TNIK: variants seen among roughly 807,000 people sequenced by gnomAD.
TNIK encodes TRAF2 and NCK interacting kinase, also known as TRAF2 and NCK-interacting protein kinase.
In TNIK, 49 loss-of-function variants were observed where a neutral mutation model predicts 191.3. That is an observed-to-expected ratio of 0.26 (90% CI 0.20 to 0.32). TNIK has a LOEUF of 0.32. Among genes scored for constraint, TNIK ranks in the 10% least tolerant of loss-of-function variants. The pLI is 1.00. For synonymous variants in TNIK, 594 were observed against 600.9 expected, an observed-to-expected ratio of 0.99 and a Z score of 0.17; for missense variants, 1,155 against 1,702.3, an observed-to-expected ratio of 0.68 and a Z score of 5.66.
chr3:171,151,028 CAGGTTTTGTGTTAGGCATTGTGCCA>C (rs1732369685), intron 12 of TNIK, among the ~76,000 whole-genome samples: 1 of 152,172 alleles, frequency 6.6e-6, no homozygotes, highest in South Asian at 2.1e-4. Flanking sequence ...AATACCAATC[CAGGTTTTGTGTTAGGCATTGTGCCA>C]AGTCCTCTGT....
chr3:171,259,741 C>A (rs1049096861), intron 2 of TNIK, among the ~76,000 whole-genome samples: 1 of 152,138 alleles, frequency 6.6e-6, no homozygotes, highest in Non-Finnish European at 1.5e-5. Context: ...GCCAGGCACC[C>A]TTTATAATAT....
intron 2 of TNIK, among the ~76,000 whole-genome samples, chr3:171,231,944 TA>T (rs777113699): frequency 3.3e-5 from 5 of 152,200 alleles, no homozygotes; most frequent in African/African-American, 4.8e-5. Context: ...GCCAAACTTT[TA>T]AAATAATTTT....
chr3:171,143,332 C>T (rs1339665022), intron 12 of TNIK, among the ~76,000 whole-genome samples: 1 of 152,136 alleles, frequency 6.6e-6, no homozygotes, highest in East Asian at 1.9e-4. Context: ...ATAAAAAAAA[C>T]ATATCAATGC....
chr3:171,257,242 T>C (rs754271648), intron 2 of TNIK, among the ~76,000 whole-genome samples: 9 of 152,214 alleles, frequency 5.9e-5, no homozygotes, highest in Non-Finnish European at 1.3e-4. Context: ...GAACTGGGAA[T>C]TCATTTTCCA....
At chr3:171,266,725 C>T (rs1748445624) in intron 2 of TNIK, among the ~76,000 whole-genome samples, 1 of 152,138 alleles carries the variant, frequency 6.6e-6, no homozygotes, top group Admixed American at 6.5e-5. Context: ...TTTGGTAAAA[C>T]AATCTGAAAA....
rs553711373 is a variant in TNIK at position 171,183,444 on chromosome 3, A to G, written c.639+5258T>C. Among the ~76,000 whole-genome samples the G allele has an allele frequency of 9.2e-5, 14 of 152,306 alleles. No individual in the cohort carries two copies. The East Asian group carries it at 2.5e-3, about 27-fold the overall frequency. ...TGGGTAACTTATTTGTGACTAGTTT[A>G]TTCTTTTGAAATGTTCCAGGTGGGA... is the stretch of plus-strand genomic sequence containing the variant. On this transcript the variant is annotated intron_variant, in intron 7 of 32. Coordinates refer to ENST00000436636, the MANE Select transcript of TNIK (RefSeq NM_015028.4).
intron 2 of TNIK, among the ~76,000 whole-genome samples, chr3:171,364,370 A>T (rs1715407438): frequency 6.6e-6 from 1 of 152,170 alleles, no homozygotes; most frequent in Non-Finnish European, 1.5e-5. Flanking sequence ...ATTATAAAAA[A>T]AAAAAAATAG....
At chr3:171,192,085 G>GT (rs1738131827) in intron 5 of TNIK, among the ~76,000 whole-genome samples, 1 of 152,118 alleles carries the variant, frequency 6.6e-6, no homozygotes, top group Non-Finnish European at 1.5e-5. Flanking sequence ...CAGCATGAGA[G>GT]TACAGAGGTC....
chr3:171,167,119 T>G lies in TNIK; in HGVS notation c.925A>C (p.Thr309Pro), dbSNP rs1426298985. The G allele has an allele frequency of 6.2e-7, 1 of 1,612,574 alleles. No homozygotes were observed. Residue 309 changes from threonine (T) to proline (P), a missense_variant, in exon 10 of 33, where the codon ACA (threonine) becomes CCA (proline). Thr to Pro is a conservative substitution (Grantham distance 38). Coordinates refer to ENST00000436636, the MANE Select transcript of TNIK (RefSeq NM_015028.4). Reference sequence around the variant, plus strand: ...CCTTTTTCTCCTCGCTTCTTCTTTGTTCTATCAATATGGTCCTTGAGTTGA... The same window carrying G: ...CCTTTTTCTCCTCGCTTCTTCTTTGGTCTATCAATATGGTCCTTGAGTTGA... ...RIQLKDHIDR[T>P]KKKRGEKDET... is the part of the protein sequence containing the mutation.
At chr3:171,250,553 A>G (rs929388155) in intron 2 of TNIK, among the ~76,000 whole-genome samples, 2 of 152,202 alleles carry the variant, frequency 1.3e-5, no homozygotes, top group African/African-American at 4.8e-5. Context: ...CTACTTCTCT[A>G]AAGCCATGCA....
chr3:171,453,440 G>T (rs148827474), intron 1 of TNIK, among the ~76,000 whole-genome samples: 1 of 152,224 alleles, frequency 6.6e-6, no homozygotes, highest in East Asian at 1.9e-4. Flanking sequence ...ATCCATGGGG[G>T]AATGAAATTG....
intron 23 of TNIK, among the ~76,000 whole-genome samples, chr3:171,092,703 T>G (rs1220876900): frequency 6.6e-6 from 1 of 152,242 alleles, no homozygotes; most frequent in African/African-American, 2.4e-5. Flanking sequence ...TGTGAACTAG[T>G]CTTCCAGTTA....
chr3:171,367,557 C>T (rs1158843641), intron 2 of TNIK, among the ~76,000 whole-genome samples: 1 of 152,052 alleles, frequency 6.6e-6, no homozygotes, highest in Admixed American at 6.5e-5. Context: ...ACAACCTCTG[C>T]CTCCCAGGCT....
At chr3:171,369,265 T>C (rs1716165738) in intron 2 of TNIK, among the ~76,000 whole-genome samples, 1 of 152,204 alleles carries the variant, frequency 6.6e-6, no homozygotes, top group Admixed American at 6.5e-5. Flanking sequence ...TGTAATAGTT[T>C]AATAGCTTAA....
At chr3:171,120,874 C>A (rs1296017059) in intron 18 of TNIK, among the ~76,000 whole-genome samples, 1 of 152,146 alleles carries the variant, frequency 6.6e-6, no homozygotes, top group African/African-American at 2.4e-5. Context: ...TTTGCCCCTA[C>A]TAGTACCCGT....
rs914972218 is a variant in TNIK at position 171,088,481 on chromosome 3, C to G, written c.2722-975G>C. On this transcript the variant is annotated intron_variant, in intron 23 of 32. Coordinates refer to ENST00000436636, the MANE Select transcript of TNIK (RefSeq NM_015028.4). ...AATTCCTGACCTTGTGATCCACCCA[C>G]CTTGGCCTCCCAAAGTGCTGGGATG... 1.2e-4 allele frequency among the ~76,000 whole-genome samples: 19 copies of G among 152,220 alleles called. 1 individual carries two copies. Among genetic ancestry groups the G allele is most frequent in the African/African-American group, 9.6e-5 (4 of 41,468 alleles).
chr3:171,394,959 C>T (rs977457019), intron 1 of TNIK, among the ~76,000 whole-genome samples: 16 of 152,220 alleles, frequency 1.1e-4, no homozygotes, highest in African/African-American at 2.6e-4. Context: ...CGGGGAAATA[C>T]GTCATTTGAG....
chr3:171,279,147 CTAAAGG>C (rs1750137086), intron 2 of TNIK, among the ~76,000 whole-genome samples: 2 of 151,566 alleles, frequency 1.3e-5, no homozygotes, highest in Admixed American at 1.3e-4. Context: ...AAAAAAAAAC[CTAAAGG>C]TAAACAAATT....
chr3:171,139,551 G>A lies in TNIK; in HGVS notation c.1338C>T (p.Tyr446=). ...GCTCCTCCTCTAACTGTCGCCTGATGTATTCCTGGAGAGGTAGGCAGCAGA... is the reference window on the plus strand; with the variant it reads ...GCTCCTCCTCTAACTGTCGCCTGATATATTCCTGGAGAGGTAGGCAGCAGA... ...ERRRAEHEQE[Y]IRRQLEEEQR... is the part of the protein sequence containing the mutation. The change falls in exon 14 of 33, where the codon TAC becomes TAT. Residue 446 remains tyrosine (Y), a synonymous_variant. Coordinates refer to ENST00000436636, the MANE Select transcript of TNIK (RefSeq NM_015028.4). 1 of 1,613,770 alleles carries A rather than the reference G, an allele frequency of 6.2e-7. No individual in the cohort carries two copies. The highest frequency in any genetic ancestry group is 2.2e-5 in the East Asian group (1 of 44,876).
Sources: gnomAD v4.1 joint callset for allele counts (sites outside exome capture counted in the v4.1 genomes callset) on GRCh38, gnomAD v4.1.1 for gene constraint, MANE v1.5 for transcripts, NCBI Gene and HGNC (gene_info 2026-07-23, HGNC 2026-07-21) for gene names.